Variants in NSUN3 observed in about 807,000 individuals in gnomAD.
NSUN3 encodes tRNA (cytosine(34)-C(5))-methyltransferase, mitochondrial.
Under a neutral mutation model 36.8 loss-of-function variants are expected in NSUN3, and 24 were observed. That is an observed-to-expected ratio of 0.65 (90% confidence interval 0.47 to 0.92). The LOEUF (loss-of-function observed/expected upper bound fraction) is 0.92, where lower values mean the gene tolerates loss of function less well. NSUN3 is among the 40% of genes least tolerant of loss of function. The pLI is 0.00. For synonymous variants in NSUN3, 146 were observed against 145.2 expected (o/e 1.01, Z -0.04); for missense variants, 381 against 392.8 (o/e 0.97, Z 0.25).
Position 94,063,092 on chromosome 3 carries a change from C to G in NSUN3, c.-35C>G. On this transcript the variant is annotated 5_prime_UTR_variant, in exon 1 of 6. Coordinates refer to ENST00000314622, the MANE Select transcript of NSUN3 (RefSeq NM_022072.5). Reference sequence around the variant, plus strand: ...CTGGAGGCTTTTTGATACTGATTCGCGTACACCTGTTGTTTGAAAGCTCTC... The same window carrying G: ...CTGGAGGCTTTTTGATACTGATTCGGGTACACCTGTTGTTTGAAAGCTCTC... 6.2e-7 allele frequency: 1 copy of G among 1,613,780 alleles called. No individual in the cohort carries two copies. Among genetic ancestry groups the G allele is most frequent in the East Asian group, 2.2e-5 (1 of 44,868 alleles).
intron 4 of NSUN3, 63 bp downstream of exon 4, chr3:94,094,357 G>C: frequency 6.8e-7 from 1 of 1,480,518 alleles, no homozygotes; most frequent in Non-Finnish European, 9.2e-7. Flanking sequence ...ATGTTGCTTT[G>C]TGGTTGTTAT....
chr3:94,100,728 C>G (rs2077362126), intron 5 of NSUN3, among the ~76,000 whole-genome samples: 1 of 152,048 alleles, frequency 6.6e-6, no homozygotes, highest in Non-Finnish European at 1.5e-5. Flanking sequence ...ACATTATACT[C>G]CATAAATATT....
chr3:94,076,260 A>T (rs2077245338), intron 2 of NSUN3: 1 of 908,536 alleles, frequency 1.1e-6, no homozygotes, highest in South Asian at 1.3e-5. Context: ...ATGCAACATA[A>T]GTTTCAGATT....
intron 5 of NSUN3, among the ~76,000 whole-genome samples, chr3:94,119,746 A>G (rs1284650140): frequency 1.3e-5 from 2 of 152,282 alleles, no homozygotes; most frequent in African/African-American, 4.8e-5. Flanking sequence ...TTTAAAATAC[A>G]TAACTACTGA....
At chr3:94,076,481 A>G (rs2107240725) in intron 2 of NSUN3, 1 of 786,646 alleles carries the variant, frequency 1.3e-6, no homozygotes, top group Non-Finnish European at 2.4e-6. Flanking sequence ...ATGCCAGGAA[A>G]CATCTTCTAC....
At chr3:94,071,100 A>G (rs980458191) in intron 2 of NSUN3, among the ~76,000 whole-genome samples, 14 of 152,244 alleles carry the variant, frequency 9.2e-5, no homozygotes, top group Non-Finnish European at 1.5e-5. Flanking sequence ...TTATAGTAAG[A>G]AGTAATATTC....
chr3:94,076,400 T>C, intron 2 of NSUN3: 1 of 801,586 alleles, frequency 1.2e-6, no homozygotes, highest in Non-Finnish European at 2.3e-6. Context: ...GGAAGTATTG[T>C]TTGAACAAGT....
chr3:94,121,999 G>A (rs968078647), intron 5 of NSUN3, among the ~76,000 whole-genome samples: 1 of 151,910 alleles, frequency 6.6e-6, no homozygotes, highest in African/African-American at 2.4e-5. Flanking sequence ...ACAAAAATTA[G>A]CCAGGCGTGG....
chr3:94,081,794 AT>A (rs2077270072), intron 2 of NSUN3: 1 of 152,226 alleles, frequency 6.6e-6, no homozygotes, highest in East Asian at 1.9e-4. Flanking sequence ...GATTGGAAAA[AT>A]TGACTGCAAT....
chr3:94,103,903 C>T (rs574424062), intron 5 of NSUN3, among the ~76,000 whole-genome samples: 4 of 151,996 alleles, frequency 2.6e-5, no homozygotes, highest in Non-Finnish European at 5.9e-5. Context: ...TTTTGATTTC[C>T]AGGGGGATAC....
intron 5 of NSUN3, among the ~76,000 whole-genome samples, chr3:94,100,846 A>G (rs2077363096): frequency 6.6e-6 from 1 of 152,190 alleles, no homozygotes. Flanking sequence ...AGCAGTCTAC[A>G]CAGTGTTCAG....
chr3:94,100,907 C>T (rs914192464), intron 5 of NSUN3, among the ~76,000 whole-genome samples: 3 of 151,878 alleles, frequency 2.0e-5, no homozygotes, highest in South Asian at 2.1e-4. Context: ...CTCTATAACT[C>T]GATACTAATC....
chr3:94,099,811 A>G (rs1023863911), intron 5 of NSUN3, among the ~76,000 whole-genome samples: 2 of 151,822 alleles, frequency 1.3e-5, no homozygotes, highest in African/African-American at 4.8e-5. Context: ...AATGAAAAAA[A>G]AAAAAGACTA....
intron 5 of NSUN3, among the ~76,000 whole-genome samples, chr3:94,106,055 C>T (rs1488667588): frequency 6.6e-6 from 1 of 151,956 alleles, no homozygotes; most frequent in Non-Finnish European, 1.5e-5. Flanking sequence ...CCCTACTGTT[C>T]CATACTCATA....
rs1213973678 is a variant in NSUN3, at chr3:94,131,282, A to G, written c.*4792A>G. On this transcript the variant is annotated 3_prime_UTR_variant, in exon 6 of 6. Coordinates refer to ENST00000314622, the MANE Select transcript of NSUN3 (RefSeq NM_022072.5). ...CTCACCTTCTCTTTGGCTAATTATA[A>G]ATCATTTTACTTAATATTTCATAGT... Among the ~76,000 whole-genome samples the G allele has an allele frequency of 2.0e-5, 3 of 152,106 alleles. No individual in the cohort carries two copies. The East Asian group carries it at 5.8e-4, about 29-fold the overall frequency.
chr3:94,070,171 G>A (rs1214046795), intron 2 of NSUN3, among the ~76,000 whole-genome samples: 8 of 152,142 alleles, frequency 5.3e-5, no homozygotes, highest in Admixed American at 4.6e-4. Flanking sequence ...GATAATATAC[G>A]ATGGCTCACA....
chr3:94,111,430 C>T (rs1045651626), intron 5 of NSUN3, among the ~76,000 whole-genome samples: 2 of 152,152 alleles, frequency 1.3e-5, no homozygotes, highest in Non-Finnish European at 2.9e-5. Context: ...CCTTAGCTTA[C>T]TGTAACTTTT....
At chr3:94,119,767 A>T (rs1477762271) in intron 5 of NSUN3, among the ~76,000 whole-genome samples, 6 of 152,274 alleles carry the variant, frequency 3.9e-5, no homozygotes, top group Non-Finnish European at 7.3e-5. Flanking sequence ...AAGCAAAAGG[A>T]TTAAAATGAT....
intron 5 of NSUN3, 112 bp from the exon 6 acceptor site, chr3:94,126,094 AATTGC>A: frequency 2.6e-6 from 2 of 777,642 alleles, no homozygotes; most frequent in Non-Finnish European, 4.0e-6. Flanking sequence ...CATCCAAAGT[AATTGC>A]AGTCTAAGTC....
Sources: allele counts gnomAD v4.1 joint callset (sites outside exome capture counted in the v4.1 genomes callset), GRCh38; gene constraint gnomAD v4.1.1; transcripts MANE v1.5; gene names NCBI Gene and HGNC (gene_info 2026-07-23, HGNC 2026-07-21).